CFAP299: variants seen among roughly 807,000 people sequenced by gnomAD.
The protein encoded by CFAP299 is cilia- and flagella-associated protein 299.
In CFAP299, 21 loss-of-function variants were observed where a neutral mutation model predicts 27.0. That is an observed-to-expected ratio of 0.78 (90% CI 0.55 to 1.12). CFAP299 has a LOEUF of 1.12. Ranked by LOEUF, CFAP299 falls within the 50% of genes most tolerant of loss-of-function variation. CFAP299 has a pLI of 0.00. For missense variants in CFAP299, 310 were observed against 276.6 expected (o/e 1.12, Z -0.86); for synonymous variants, 104 against 98.1 (o/e 1.06, Z -0.36).
chr4:80,818,441 A>C (rs1729533605), intron 3 of CFAP299, among the ~76,000 whole-genome samples: 1 of 152,022 alleles, frequency 6.6e-6, no homozygotes, highest in Non-Finnish European at 1.5e-5. Context: ...AGATTATTTT[A>C]TATGTACTTG....
intron 4 of CFAP299, among the ~76,000 whole-genome samples, chr4:80,905,245 A>G (rs945045750): frequency 6.6e-6 from 1 of 152,176 alleles, no homozygotes; most frequent in African/African-American, 2.4e-5. Context: ...CATTTCAACC[A>G]TTTGACCACT....
intron 2 of CFAP299, among the ~76,000 whole-genome samples, chr4:80,369,935 T>A (rs1483130169): frequency 6.6e-6 from 1 of 152,218 alleles, no homozygotes; most frequent in Non-Finnish European, 1.5e-5. Flanking sequence ...CTATTTTCTA[T>A]ACAATGGGTA....
intron 2 of CFAP299, among the ~76,000 whole-genome samples, chr4:80,509,388 A>G (rs918208899): frequency 1.3e-5 from 2 of 152,160 alleles, no homozygotes; most frequent in African/African-American, 2.4e-5. Context: ...ATTTTAACAT[A>G]TATTTTGCTA....
At chr4:80,361,698 T>C (rs918473733) in intron 1 of CFAP299, among the ~76,000 whole-genome samples, 5 of 152,312 alleles carry the variant, frequency 3.3e-5, no homozygotes, top group African/African-American at 1.2e-4. Flanking sequence ...TTTTAATGAT[T>C]ATAAAAGTGG....
chr4:80,321,708 C>T, the CFAP299 span, among the ~76,000 whole-genome samples: 1 of 152,186 alleles, frequency 6.6e-6, no homozygotes, highest in Admixed American at 6.5e-5. Context: ...AGATCCAATA[C>T]AAAATCCCAT....
intron 2 of CFAP299, among the ~76,000 whole-genome samples, chr4:80,483,849 T>A (rs1013362183): frequency 6.6e-6 from 1 of 152,182 alleles, no homozygotes; most frequent in Non-Finnish European, 1.5e-5. Context: ...ACTTAAATAC[T>A]TAGAACACTT....
Position 80,735,838 on chromosome 4 carries a change from TA to T in CFAP299, c.334-134154del, listed in dbSNP as rs1311209984. ...TAATGTATTATTGAATGCAGTTTGA[TA>T]GTATTTTGTTGAGGTTTTTTACATA... is the stretch of plus-strand genomic sequence containing the variant. On this transcript the variant is annotated intron_variant, in intron 3 of 5. Transcript: ENST00000358105. Among the ~76,000 whole-genome samples, 3 of 152,166 alleles carry T rather than the reference TA, an allele frequency of 2.0e-5. No individual in the cohort carries two copies. In the South Asian group the frequency reaches 6.2e-4, roughly 32 times the overall value.
intron 4 of CFAP299, among the ~76,000 whole-genome samples, chr4:80,937,567 C>T (rs756575920): frequency 1.3e-5 from 2 of 151,758 alleles, no homozygotes; most frequent in East Asian, 3.9e-4. Flanking sequence ...ATGATCTGCC[C>T]ACCTTGGCCT....
Position 80,410,436 on chromosome 4 carries a change from G to A in CFAP299, c.242+47552G>A, listed in dbSNP as rs115244041. Among the ~76,000 whole-genome samples, 1,404 of 152,276 alleles carry A rather than the reference G, an allele frequency of 9.2e-3. 26 individuals carry two copies. Among genetic ancestry groups the A allele is most frequent in the African/African-American group, 0.032 (1,328 of 41,556 alleles). On this transcript the variant is annotated intron_variant, in intron 2 of 5. Transcript: ENST00000358105. ...GCATGTGTTTTTCACCCTGGTGGGA[G>A]TTGCCTAGAAGATAGTCAATTGGGA...
intron 3 of CFAP299, among the ~76,000 whole-genome samples, chr4:80,801,811 G>A (rs1728626315): frequency 6.6e-6 from 1 of 152,140 alleles, no homozygotes; most frequent in Non-Finnish European, 1.5e-5. Context: ...CACAAGGAAG[G>A]ATTAAGTAAA....
At chr4:80,875,582 TG>T (rs1733330657) in intron 4 of CFAP299, among the ~76,000 whole-genome samples, 1 of 151,136 alleles carries the variant, frequency 6.6e-6, no homozygotes, top group South Asian at 2.1e-4. Flanking sequence ...GAGAATCGCT[TG>T]AACCTGGGAG....
intron 2 of CFAP299, among the ~76,000 whole-genome samples, chr4:80,456,482 G>A (rs1729165107): frequency 6.6e-6 from 1 of 152,090 alleles, no homozygotes; most frequent in Admixed American, 6.6e-5. Flanking sequence ...GCTGAGGGAT[G>A]TCTGGGTTCT....
At chr4:80,776,822 T>C (rs1039289019) in intron 3 of CFAP299, among the ~76,000 whole-genome samples, 1 of 151,206 alleles carries the variant, frequency 6.6e-6, no homozygotes, top group Non-Finnish European at 1.5e-5. Flanking sequence ...GCTCAAATAA[T>C]TGAACAATCA....
chr4:80,583,227 G>T, intron 3 of CFAP299, 44 bp downstream of exon 3: 1 of 1,119,818 alleles, frequency 8.9e-7, no homozygotes, highest in Non-Finnish European at 1.3e-6. Flanking sequence ...TACACTAAAT[G>T]CACAATTAAT....
intron 4 of CFAP299, among the ~76,000 whole-genome samples, chr4:80,911,581 T>C (rs979260620): frequency 1.4e-4 from 21 of 152,152 alleles, no homozygotes; most frequent in Admixed American, 1.0e-3. Context: ...ATCATTCAAA[T>C]TGATGTCAGG....
intron 2 of CFAP299, among the ~76,000 whole-genome samples, chr4:80,457,429 G>A (rs1199082022): frequency 1.3e-5 from 2 of 152,170 alleles, no homozygotes; most frequent in Non-Finnish European, 2.9e-5. Context: ...TGCTTTGGAT[G>A]TGTCACAGGA....
At chr4:80,950,349 C>T (rs1737713420) in intron 5 of CFAP299, among the ~76,000 whole-genome samples, 1 of 151,478 alleles carries the variant, frequency 6.6e-6, no homozygotes, top group Admixed American at 6.6e-5. Flanking sequence ...TCCTAAAAAG[C>T]TTACAGGTTA....
At chr4:80,880,154 G>C (rs1252946222) in intron 4 of CFAP299, among the ~76,000 whole-genome samples, 4 of 152,018 alleles carry the variant, frequency 2.6e-5, no homozygotes, top group Admixed American at 2.0e-4. Context: ...AAGGGGGGGA[G>C]AGAATCTATT....
intron 5 of CFAP299, among the ~76,000 whole-genome samples, chr4:80,950,060 C>T (rs2110235512): frequency 6.6e-6 from 1 of 152,182 alleles, no homozygotes. Context: ...CATTCAGGTA[C>T]AGATAGAACT....
Sources: allele counts gnomAD v4.1 joint callset (sites outside exome capture counted in the v4.1 genomes callset), GRCh38; gene constraint gnomAD v4.1.1; transcripts MANE v1.5; gene names NCBI Gene and HGNC (gene_info 2026-07-23, HGNC 2026-07-21).